Variants in TNFRSF1B observed in about 807,000 individuals in gnomAD.
The protein encoded by TNFRSF1B is tumor necrosis factor receptor superfamily member 1B.
TNFRSF1B carries 19 observed loss-of-function variants against 44.6 expected under a neutral mutation model. That is an observed-to-expected ratio of 0.43 (90% CI 0.30 to 0.62). TNFRSF1B has a LOEUF of 0.62. Among genes scored for constraint, TNFRSF1B ranks in the 20% least tolerant of loss-of-function variants. The pLI is 0.16. For synonymous variants in TNFRSF1B, 252 were observed against 261.1 expected (o/e 0.97, Z 0.34); for missense variants, 541 against 619.9 (o/e 0.87, Z 1.35).
chr1:12,178,109 T>C lies in TNFRSF1B; in HGVS notation c.79-10687T>C, dbSNP rs983074701. 6.6e-6 allele frequency among the ~76,000 whole-genome samples: 1 copy of C among 152,234 alleles called. No homozygotes were observed. Among genetic ancestry groups the C allele is most frequent in the African/African-American group, 2.4e-5 (1 of 41,454 alleles). On this transcript the variant is annotated intron_variant, in intron 1 of 9. Coordinates refer to ENST00000376259, the MANE Select transcript of TNFRSF1B (RefSeq NM_001066.3). This position sits in a 1 kb window ranked among gnomAD's most constrained non-coding sequence, Gnocchi z 4.3. ...TGAGCCGCTGTCACCTGAACACTGG[T>C]GCACTCAGTCTGCTGCTCTGAGGAC...
Position 12,169,491 on chromosome 1 carries a change from G to A in TNFRSF1B, c.78+2322G>A, listed in dbSNP as rs1269510936. On this transcript the variant is annotated intron_variant, in intron 1 of 9. Coordinates refer to ENST00000376259, the MANE Select transcript of TNFRSF1B (RefSeq NM_001066.3). The surrounding 1 kb of genome is among the most constrained non-coding windows in gnomAD (Gnocchi z 4.5). ...GGGGAGCTGGGGGTGGGATTTGAAT[G>A]CAGGTCTGCCTGATTCCCAAGCTCC... Among the ~76,000 whole-genome samples the A allele has an allele frequency of 6.6e-6, 1 of 152,186 alleles. No individual in the cohort carries two copies. The highest frequency in any genetic ancestry group is 6.5e-5 in the Admixed American group (1 of 15,284).
rs900081835 is a variant in TNFRSF1B, at chr1:12,199,916, G to T, written c.901-2051G>T. ...TTTTTGCTGGGATCAGAAAACAATC[G>T]CTTAGAATTCCAAGGCAAGGGTGTG... On this transcript the variant is annotated intron_variant, in intron 8 of 9. Transcript: ENST00000376259. The surrounding 1 kb of genome is among the most constrained non-coding windows in gnomAD (Gnocchi z 4.0). Among the ~76,000 whole-genome samples the T allele has an allele frequency of 6.6e-6, 1 of 152,184 alleles. No homozygotes were observed. The highest frequency in any genetic ancestry group is 2.4e-5 in the African/African-American group (1 of 41,440).
chr1:12,199,649 GAC>G lies in TNFRSF1B; in HGVS notation c.901-2317_901-2316del, dbSNP rs1015986741. 1.3e-5 allele frequency among the ~76,000 whole-genome samples: 2 copies of G among 152,150 alleles called. No individual in the cohort carries two copies. The highest frequency in any genetic ancestry group is 6.5e-5 in the Admixed American group (1 of 15,280). On this transcript the variant is annotated intron_variant, in intron 8 of 9. Transcript: ENST00000376259. The surrounding 1 kb of genome is among the most constrained non-coding windows in gnomAD (Gnocchi z 4.0). ...ACCCTGGTACTCGCATCTGTTCTCA[GAC>G]CACATCTGGAATTGTAGCTCCCTCT...
intron 2 of TNFRSF1B, 32 bp from the exon 3 acceptor site, chr1:12,190,925 C>T (rs370402513): frequency 1.2e-6 from 2 of 1,607,246 alleles, no homozygotes; most frequent in African/African-American, 2.7e-5. Context: ...GAAGGCTCGC[C>T]CAGCTGAGAC....
chr1:12,195,515 T>C (rs1639246174), intron 8 of TNFRSF1B, among the ~76,000 whole-genome samples: 1 of 152,142 alleles, frequency 6.6e-6, no homozygotes, highest in African/African-American at 2.4e-5. Context: ...AAGTTTGAGG[T>C]GGGAAGAAGG....
chr1:12,179,660 T>G (rs780783228), intron 1 of TNFRSF1B, among the ~76,000 whole-genome samples: 5 of 152,070 alleles, frequency 3.3e-5, no homozygotes, highest in Non-Finnish European at 7.4e-5. Context: ...TGTGGGCTCC[T>G]TGTCTGTAAA....
rs1472887552 is a variant in TNFRSF1B, at chr1:12,177,713, G to A, written c.78+10544G>A. 1.3e-5 allele frequency among the ~76,000 whole-genome samples: 2 copies of A among 151,600 alleles called. No individual in the cohort carries two copies. Among genetic ancestry groups the A allele is most frequent in the African/African-American group, 4.8e-5 (2 of 41,264 alleles). On this transcript the variant is annotated intron_variant, in intron 1 of 9. Coordinates refer to ENST00000376259, the MANE Select transcript of TNFRSF1B (RefSeq NM_001066.3). This position sits in a 1 kb window ranked among gnomAD's most constrained non-coding sequence, Gnocchi z 4.3. ...GGAGACTGAGGCAGGAGAATCGCTTGAACCTGGGAGGCGGAGTTTGCAGTG... is the reference window on the plus strand; with the variant it reads ...GGAGACTGAGGCAGGAGAATCGCTTAAACCTGGGAGGCGGAGTTTGCAGTG...
chr1:12,192,793 G>A (rs759635294), intron 5 of TNFRSF1B, 70 bp from the exon 6 acceptor site: 11 of 1,366,738 alleles, frequency 8.0e-6, no homozygotes, highest in African/African-American at 2.9e-5. Context: ...GCTGGGGCCC[G>A]TGAATGAGCC....
intron 9 of TNFRSF1B, 35 bp from the exon 10 acceptor site, chr1:12,206,705 C>A (rs1266290545): frequency 6.5e-7 from 1 of 1,535,282 alleles, no homozygotes; most frequent in Non-Finnish European, 8.8e-7. Context: ...TCCTGGACCC[C>A]CGGACTGACC....
Position 12,168,618 on chromosome 1 carries a change from G to A in TNFRSF1B, c.78+1449G>A, listed in dbSNP as rs1448775347. 1.3e-5 allele frequency among the ~76,000 whole-genome samples: 2 copies of A among 152,130 alleles called. No homozygotes were observed. The highest frequency in any genetic ancestry group is 6.5e-5 in the Admixed American group (1 of 15,284). ...GTGAGCCCCTGGATGGGAGAGGGGT[G>A]TCAGGCACAGGGCTCAGCAGGACAC... On this transcript the variant is annotated intron_variant, in intron 1 of 9. Transcript: ENST00000376259. This position sits in a 1 kb window ranked among gnomAD's most constrained non-coding sequence, Gnocchi z 4.7.
intron 9 of TNFRSF1B, among the ~76,000 whole-genome samples, chr1:12,205,788 A>ATTT (rs3078840): frequency 0.011 from 1,559 of 147,638 alleles, 21 homozygotes; most frequent in African/African-American, 0.037. Context: ...TACCCGGCTA[A>ATTT]TTTTTTTTTT....
chr1:12,195,651 A>T, intron 8 of TNFRSF1B, among the ~76,000 whole-genome samples: 1 of 152,156 alleles, frequency 6.6e-6, no homozygotes, highest in Non-Finnish European at 1.5e-5. Context: ...GCTGCGAGGG[A>T]AGCTGGGAAA....
intron 1 of TNFRSF1B, among the ~76,000 whole-genome samples, chr1:12,182,503 G>C (rs1445918781): frequency 6.6e-6 from 1 of 152,212 alleles, no homozygotes; most frequent in African/African-American, 2.4e-5. Flanking sequence ...GCAGGGATTT[G>C]ATTTGTTCAA....
At chr1:12,182,624 C>T (rs1043713345) in intron 1 of TNFRSF1B, among the ~76,000 whole-genome samples, 6 of 152,244 alleles carry the variant, frequency 3.9e-5, no homozygotes, top group East Asian at 3.8e-4. Context: ...CCATGGACCA[C>T]GGACAAGTGA....
Position 12,206,831 on chromosome 1 carries a change from C to T in TNFRSF1B, c.1197C>T (p.Ser399=), listed in dbSNP as rs748817002. Residue 399 remains serine, a synonymous_variant, in exon 10 of 10, where the codon TCC becomes TCT. Transcript: ENST00000376259. ...SSSDHSSQCS[S]QASSTMGDTD... Reference sequence around the variant, plus strand: ...CTGACCACAGCTCACAGTGCTCCTCCCAAGCCAGCTCCACAATGGGAGACA... The same window carrying T: ...CTGACCACAGCTCACAGTGCTCCTCTCAAGCCAGCTCCACAATGGGAGACA... The T allele has an allele frequency of 3.7e-6, 6 of 1,614,198 alleles. No homozygotes were observed. The highest frequency in any genetic ancestry group is 4.5e-5 in the East Asian group (2 of 44,880).
At position 12,202,934 on chromosome 1, in the gene TNFRSF1B, C is replaced by T. The variant is rs535737441; in HGVS notation, c.1105+763C>T. 5.3e-4 allele frequency among the ~76,000 whole-genome samples: 80 copies of T among 152,328 alleles called. 3 individuals carry two copies. The highest frequency in any genetic ancestry group is 1.4e-3 in the Admixed American group (21 of 15,302). On this transcript the variant is annotated intron_variant, in intron 9 of 9. Transcript: ENST00000376259. ...GGGCTCCACTCACTGCAGTTTGTTG[C>T]TGGGTCTCTTTAGGTCTGAGGCACT...
chr1:12,197,882 T>C (rs1252589642), intron 8 of TNFRSF1B, among the ~76,000 whole-genome samples: 1 of 151,954 alleles, frequency 6.6e-6, no homozygotes, highest in Non-Finnish European at 1.5e-5. Flanking sequence ...TCCCAGCACT[T>C]TGGGAGGCCG....
chr1:12,175,440 T>C (rs1472995495), intron 1 of TNFRSF1B, among the ~76,000 whole-genome samples: 1 of 152,154 alleles, frequency 6.6e-6, no homozygotes, highest in East Asian at 1.9e-4. Flanking sequence ...GTGGACTTGA[T>C]TGTGAACTCC....
At chr1:12,183,699 T>TAG (rs1553163433) in intron 1 of TNFRSF1B, among the ~76,000 whole-genome samples, 1 of 102,266 alleles carries the variant, frequency 9.8e-6, no homozygotes, top group African/African-American at 3.2e-5. Flanking sequence ...TATCTATCTA[T>TAG]CTATCTATCT....
Sources: gnomAD v4.1 joint callset for allele counts (sites outside exome capture counted in the v4.1 genomes callset) on GRCh38, gnomAD v4.1.1 for gene constraint, Gnocchi (gnomAD v3.1) non-coding constraint, MANE v1.5 for transcripts, NCBI Gene and HGNC (gene_info 2026-07-23, HGNC 2026-07-21) for gene names.